The following KCNH2 variants were observed in gnomAD, a reference collection of about 807,000 sequenced individuals.
KCNH2 encodes the protein potassium voltage-gated channel subfamily H member 2.
KCNH2 carries 35 observed loss-of-function variants against 95.9 expected under a neutral mutation model. That is an observed-to-expected ratio of 0.37 (90% CI 0.28 to 0.48). The LOEUF (loss-of-function observed/expected upper bound fraction) is 0.48. Ranked by LOEUF, KCNH2 falls within the 20% of genes least tolerant of loss-of-function variation. The pLI is 0.99. For synonymous variants in KCNH2, 786 were observed against 754.7 expected (o/e 1.04, Z -0.68); for missense variants, 1,274 against 1,702.9 (o/e 0.75, Z 4.43).
intron 2 of KCNH2, among the ~76,000 whole-genome samples, chr7:150,965,352 CAGA>C (rs1252895566): frequency 1.3e-5 from 2 of 152,196 alleles, no homozygotes; most frequent in African/African-American, 4.8e-5. Context: ...AGCAATGCCT[CAGA>C]AGATCTCTGT....
intron 1 of KCNH2, among the ~76,000 whole-genome samples, chr7:150,977,152 T>C (rs1801999115): frequency 6.6e-6 from 1 of 151,946 alleles, no homozygotes; most frequent in African/African-American, 2.4e-5. Context: ...TAGGTGACAG[T>C]CTCCAGGGCA....
chr7:150,954,379 C>G (rs559157526), intron 5 of KCNH2, among the ~76,000 whole-genome samples: 1 of 152,154 alleles, frequency 6.6e-6, no homozygotes, highest in Non-Finnish European at 1.5e-5. Context: ...AGCCTCTGGG[C>G]GGAGGTGTCA....
chr7:150,950,905 G>A lies in KCNH2; in HGVS notation c.2145+16C>T, dbSNP rs41314369. The A allele has an allele frequency of 1.7e-4, 271 of 1,612,552 alleles. 1 individual carries two copies. The African/African-American group carries it at 2.6e-3, about 15-fold the overall frequency. On this transcript the variant is annotated intron_variant, in intron 8 of 14. Coordinates refer to ENST00000262186, the MANE Select transcript of KCNH2 (RefSeq NM_000238.4). ...TCCCAGCCTGCCACCCACTGGCCAC[G>A]CTCTGGTGGCCTCACCGCGTTCATG... is the stretch of plus-strand genomic sequence containing the variant.
Position 150,974,919 on chromosome 7 carries a change from G to A in KCNH2, c.99C>T (p.Asn33=). The part of the protein sequence containing the change: ...EGQSRKFIIA[N]ARVENCAVIY... ...TGACGGCGCAGTTCTCCACCCGAGC[G>A]TTGGCGATGATGAACTTACGGCCTA... Residue 33 remains asparagine, a synonymous_variant, in exon 2 of 15, where the codon AAC becomes AAT. Transcript: ENST00000262186. 1 of 1,608,474 alleles carries A rather than the reference G, an allele frequency of 6.2e-7. No homozygotes were observed. Among genetic ancestry groups the A allele is most frequent in the Non-Finnish European group, 8.5e-7 (1 of 1,178,294 alleles).
chr7:150,948,420 C>A (rs776333074), intron 11 of KCNH2, 24 bp downstream of exon 11: 3 of 1,334,540 alleles, frequency 2.2e-6, no homozygotes, highest in East Asian at 2.4e-5. Flanking sequence ...CCGCCCTCCC[C>A]CTTCCTCCCC....
chr7:150,951,302 C>T, intron 7 of KCNH2, 146 bp downstream of exon 7: 2 of 1,170,492 alleles, frequency 1.7e-6, no homozygotes, highest in Non-Finnish European at 2.5e-6. Context: ...CCTGGTGACC[C>T]AGCCCCCAAA....
chr7:150,968,623 G>A (rs111684967), intron 2 of KCNH2, among the ~76,000 whole-genome samples: 4 of 152,148 alleles, frequency 2.6e-5, no homozygotes, highest in African/African-American at 9.7e-5. Context: ...CTATGGGGAG[G>A]GTAATGAGAC....
intron 13 of KCNH2, 28 bp downstream of exon 13, chr7:150,947,300 C>G (rs535114110): frequency 3.5e-4 from 535 of 1,513,882 alleles, no homozygotes; most frequent in Non-Finnish European, 4.4e-4. Flanking sequence ...CCAGGGCGTG[C>G]CCCCCCACCC....
intron 5 of KCNH2, among the ~76,000 whole-genome samples, chr7:150,953,944 G>C (rs1224566546): frequency 6.6e-6 from 1 of 152,234 alleles, no homozygotes; most frequent in Non-Finnish European, 1.5e-5. Context: ...TAGTTGATGA[G>C]TCCCAAAGAC....
intron 5 of KCNH2, chr7:150,955,674 G>A: frequency 7.2e-7 from 1 of 1,397,462 alleles, no homozygotes; most frequent in Non-Finnish European, 9.3e-7. Flanking sequence ...GGGCCCCAGG[G>A]CTGGGGTCAC....
intron 9 of KCNH2, 125 bp from the exon 10 acceptor site, chr7:150,949,174 GC>G: frequency 9.0e-7 from 1 of 1,115,280 alleles, no homozygotes; most frequent in Non-Finnish European, 1.3e-6. Flanking sequence ...CTGCCAGCCG[GC>G]CCCCAACCCA....
At chr7:150,951,172 C>T (rs748872880) in intron 7 of KCNH2, 52 bp from the exon 8 acceptor site, 4 of 1,454,376 alleles carry the variant, frequency 2.8e-6, no homozygotes, top group Non-Finnish European at 3.8e-6. Flanking sequence ...CCCCACCCAC[C>T]CACAGGGACC....
chr7:150,976,068 C>T (rs932180099), intron 1 of KCNH2, among the ~76,000 whole-genome samples: 1 of 152,238 alleles, frequency 6.6e-6, no homozygotes, highest in Non-Finnish European at 1.5e-5. Flanking sequence ...AGGCAAGATG[C>T]TCCTGGGATA....
intron 5 of KCNH2, chr7:150,955,301 G>T (rs976545274): frequency 4.8e-6 from 6 of 1,258,610 alleles, no homozygotes; most frequent in African/African-American, 1.5e-5. Context: ...CTTCCCAGCA[G>T]CCCTCTCCCC....
chr7:150,958,548 C>A, intron 3 of KCNH2, 46 bp from the exon 4 acceptor site: 1 of 1,449,516 alleles, frequency 6.9e-7, no homozygotes. Flanking sequence ...GCGAGCAGCC[C>A]CGGAGCGGGC....
In KCNH2 at chr7:150,948,474, T is replaced by G; in HGVS notation, c.2662A>C (p.Lys888Gln). The G allele has an allele frequency of 6.5e-7, 1 of 1,546,470 alleles. No homozygotes were observed. Among genetic ancestry groups the G allele is most frequent in the Non-Finnish European group, 8.8e-7 (1 of 1,140,956 alleles). ...EGGFSRQRKR[K>Q]LSFRRRTDKD... ...TCCGTGCGCCTGCGGAAGGACAACT[T>G]GCGCTTGCGTTGCCGACTGAAGCCA... The change falls in exon 11 of 15, where the codon AAG becomes CAG. Residue 888 changes from lysine to glutamine, a missense_variant. Lys to Gln is a moderately conservative substitution (Grantham distance 53, BLOSUM62 1). Transcript: ENST00000262186.
rs996588033 is a variant in KCNH2, at chr7:150,952,078, A to G, written c.1558-243T>C. On this transcript the variant is annotated intron_variant, in intron 6 of 14. Coordinates refer to ENST00000262186, the MANE Select transcript of KCNH2 (RefSeq NM_000238.4). The surrounding 1 kb of genome is among the most constrained non-coding windows in gnomAD (Gnocchi z 7.3). ...AGGAAACAGGGGCACTGACAGGTGC[A>G]GTGATCACCCTAGGGTGCCTGCCCA... Among the ~76,000 whole-genome samples the G allele has an allele frequency of 4.6e-5, 7 of 152,150 alleles. No individual in the cohort carries two copies. Among genetic ancestry groups the G allele is most frequent in the Non-Finnish European group, 8.8e-5 (6 of 67,974 alleles).
intron 11 of KCNH2, 88 bp downstream of exon 11, chr7:150,948,355 TG>T: frequency 9.4e-7 from 1 of 1,062,712 alleles, no homozygotes; most frequent in Non-Finnish European, 1.4e-6. Context: ...GTCTGAGGCC[TG>T]GGTAAAGCAG....
Position 150,957,481 on chromosome 7 carries a change from C to T in KCNH2, c.938G>A (p.Ser313Asn). The change falls in exon 5 of 15, where the codon AGC (serine) becomes AAC (asparagine). Residue 313 changes from serine to asparagine, a missense_variant. Coordinates refer to ENST00000262186, the MANE Select transcript of KCNH2 (RefSeq NM_000238.4). ...GTCCGAGGTGGAGTTGAGCAAGCCG[C>T]TGCGCAGTGGGTGCATGGCCCCTAG... ...ASTGAMHPLR[S>N]GLLNSTSDSD... 6.2e-7 allele frequency: 1 copy of T among 1,613,824 alleles called. No individual in the cohort carries two copies. The highest frequency in any genetic ancestry group is 8.5e-7 in the Non-Finnish European group (1 of 1,179,984).
Sources: gnomAD v4.1 joint callset for allele counts (sites outside exome capture counted in the v4.1 genomes callset) on GRCh38, gnomAD v4.1.1 for gene constraint, Gnocchi (gnomAD v3.1) non-coding constraint, MANE v1.5 for transcripts, NCBI Gene and HGNC (gene_info 2026-07-23, HGNC 2026-07-21) for gene names.